Variants in UNC5D observed in about 807,000 individuals in gnomAD.
The protein encoded by UNC5D is netrin receptor UNC5D.
A neutral mutation model predicts 105.4 loss-of-function variants in UNC5D; 39 were observed. The ratio of observed to expected loss-of-function variants is 0.37; its 90% confidence interval spans 0.29 to 0.48. The LOEUF (loss-of-function observed/expected upper bound fraction) is 0.48. Among genes scored for constraint, UNC5D ranks in the 20% least tolerant of loss-of-function variants. The pLI is 0.98. For missense variants in UNC5D, 991 were observed against 1,202.4 expected (o/e 0.82, Z 2.60); for synonymous variants, 452 against 450.4 (o/e 1.00, Z -0.04).
intron 1 of UNC5D, among the ~76,000 whole-genome samples, chr8:35,432,641 G>A (rs1163395942): frequency 2.0e-5 from 3 of 152,144 alleles, no homozygotes; most frequent in Admixed American, 6.6e-5. Context: ...AAAAGCAAGA[G>A]GAAAGTGTTT....
chr8:35,297,398 C>T (rs1585523154), intron 1 of UNC5D, among the ~76,000 whole-genome samples: 1 of 152,258 alleles, frequency 6.6e-6, no homozygotes, highest in Non-Finnish European at 1.5e-5. Context: ...GAAGAGGCCT[C>T]TGAAATGATG....
chr8:35,391,004 G>T (rs900928317), intron 1 of UNC5D, among the ~76,000 whole-genome samples: 2 of 152,212 alleles, frequency 1.3e-5, no homozygotes, highest in African/African-American at 4.8e-5. Flanking sequence ...TGCCATTGGG[G>T]CTTGTATTGG....
At chr8:35,359,672 C>T (rs906505825) in intron 1 of UNC5D, among the ~76,000 whole-genome samples, 2 of 152,180 alleles carry the variant, frequency 1.3e-5, no homozygotes, top group African/African-American at 4.8e-5. Context: ...TCTAGCCCCT[C>T]AGCAATGAGT....
At chr8:35,548,400 C>T (rs1488288617) in intron 1 of UNC5D, among the ~76,000 whole-genome samples, 1 of 152,186 alleles carries the variant, frequency 6.6e-6, no homozygotes, top group African/African-American at 2.4e-5. Flanking sequence ...CAAGATGCCA[C>T]TCCTCCTTGT....
chr8:35,586,917 T>C (rs1200337796), intron 3 of UNC5D, among the ~76,000 whole-genome samples: 1 of 152,194 alleles, frequency 6.6e-6, no homozygotes, highest in African/African-American at 2.4e-5. Flanking sequence ...TTTATTGATT[T>C]TCTTGTGCTA....
At chr8:35,470,286 T>C (rs1054604909) in intron 1 of UNC5D, among the ~76,000 whole-genome samples, 1 of 152,122 alleles carries the variant, frequency 6.6e-6, no homozygotes, top group Non-Finnish European at 1.5e-5. Flanking sequence ...TAAATATGGT[T>C]TTGAGGCCAT....
intron 1 of UNC5D, among the ~76,000 whole-genome samples, chr8:35,341,540 T>G (rs1811457699): frequency 6.6e-6 from 1 of 152,058 alleles, no homozygotes; most frequent in African/African-American, 2.4e-5. Context: ...TGATAGAATC[T>G]TCTCCCTGTT....
intron 1 of UNC5D, among the ~76,000 whole-genome samples, chr8:35,475,257 G>A (rs1002419604): frequency 2.6e-5 from 4 of 152,120 alleles, no homozygotes; most frequent in Non-Finnish European, 2.9e-5. Context: ...GATAAAGGCC[G>A]AAGGAGAGCC....
At chr8:35,712,365 C>T (rs1041666862) in intron 8 of UNC5D, among the ~76,000 whole-genome samples, 2 of 152,192 alleles carry the variant, frequency 1.3e-5, no homozygotes, top group African/African-American at 2.4e-5. Context: ...TACAAATAAT[C>T]TTGGCTCCAT....
chr8:35,458,960 A>G (rs931145974), intron 1 of UNC5D, among the ~76,000 whole-genome samples: 12 of 152,182 alleles, frequency 7.9e-5, no homozygotes, highest in African/African-American at 2.9e-4. Context: ...CATTTTAATT[A>G]TCTAAGTATA....
intron 1 of UNC5D, among the ~76,000 whole-genome samples, chr8:35,429,535 CATT>C (rs1162031663): frequency 6.6e-6 from 1 of 152,036 alleles, no homozygotes; most frequent in Non-Finnish European, 1.5e-5. Context: ...ATTATATCAT[CATT>C]AATTTCATTA....
rs1255639314 is a variant in UNC5D at position 35,623,773 on chromosome 8, T to A, written c.570+28116T>A. Among the ~76,000 whole-genome samples, 3 of 152,348 alleles carry A rather than the reference T, an allele frequency of 2.0e-5. No homozygotes were observed. In the East Asian group the frequency reaches 5.8e-4, roughly 29 times the overall value. ...GCCATCTGATTTACACATTTTTAAA[T>A]AAATTTGATTTTATAAAAATTTCAT... On this transcript the variant is annotated intron_variant, in intron 4 of 16. Coordinates refer to ENST00000404895, the MANE Select transcript of UNC5D (RefSeq NM_080872.4).
chr8:35,723,990 C>T (rs139112641), intron 9 of UNC5D, among the ~76,000 whole-genome samples: 1 of 151,784 alleles, frequency 6.6e-6, no homozygotes, highest in East Asian at 2.0e-4. Flanking sequence ...CATGGGTAAG[C>T]CCTTGGCATA....
chr8:35,272,722 C>T (rs906926300), intron 1 of UNC5D, among the ~76,000 whole-genome samples: 1 of 152,210 alleles, frequency 6.6e-6, no homozygotes, highest in Non-Finnish European at 1.5e-5. Context: ...TAGCTCAAAA[C>T]AGTTCGCCAC....
chr8:35,358,432 G>A (rs751980144), intron 1 of UNC5D, among the ~76,000 whole-genome samples: 1 of 152,132 alleles, frequency 6.6e-6, no homozygotes, highest in African/African-American at 2.4e-5. Flanking sequence ...TTTAAAAGTG[G>A]GAGCTGAACA....
chr8:35,603,786 A>G (rs556360765), intron 4 of UNC5D, among the ~76,000 whole-genome samples: 1 of 152,134 alleles, frequency 6.6e-6, no homozygotes, highest in Admixed American at 6.6e-5. Context: ...TGATCCCTTT[A>G]CTATTATGTA....
intron 1 of UNC5D, among the ~76,000 whole-genome samples, chr8:35,293,880 T>A (rs551006981): frequency 7.9e-5 from 12 of 152,308 alleles, no homozygotes; most frequent in Non-Finnish European, 1.5e-4. Flanking sequence ...TGATTCCTGA[T>A]CTAGAGACTG....
At chr8:35,420,670 A>G (rs1304846659) in intron 1 of UNC5D, among the ~76,000 whole-genome samples, 1 of 152,010 alleles carries the variant, frequency 6.6e-6, no homozygotes, top group African/African-American at 2.4e-5. Flanking sequence ...TTAATAACCT[A>G]TAGTTTAAGA....
At chr8:35,530,160 C>A (rs1343311995) in intron 1 of UNC5D, among the ~76,000 whole-genome samples, 1 of 152,130 alleles carries the variant, frequency 6.6e-6, no homozygotes, top group Non-Finnish European at 1.5e-5. Flanking sequence ...TTTGTCCATT[C>A]AATATGATAT....
Sources: allele counts gnomAD v4.1 joint callset (sites outside exome capture counted in the v4.1 genomes callset), GRCh38; gene constraint gnomAD v4.1.1; transcripts MANE v1.5; gene names NCBI Gene and HGNC (gene_info 2026-07-23, HGNC 2026-07-21).